Variants in NTRK3 observed in about 807,000 individuals in gnomAD.
NTRK3 encodes NT-3 growth factor receptor.
A neutral mutation model predicts 91.7 loss-of-function variants in NTRK3; 24 were observed. The ratio of observed to expected loss-of-function variants is 0.26; its 90% CI spans 0.19 to 0.37. The LOEUF (loss-of-function observed/expected upper bound fraction) is 0.37. Among genes scored for constraint, NTRK3 ranks in the 10% least tolerant of loss-of-function variants. NTRK3 has a pLI of 1.00. For missense variants in NTRK3, 880 were observed against 1,068.9 expected, an observed-to-expected ratio of 0.82 and a Z score of 2.46; for synonymous variants, 483 against 404.0, an observed-to-expected ratio of 1.20 and a Z score of -2.34.
At position 87,915,721 on chromosome 15, in the gene NTRK3, T is replaced by C. The variant is rs529709445; in HGVS notation, c.2133+13470A>G. 2.0e-5 allele frequency among the ~76,000 whole-genome samples: 3 copies of C among 152,362 alleles called. No homozygotes were observed. The South Asian group carries it at 6.2e-4, about 32-fold the overall frequency. On this transcript the variant is annotated intron_variant, in intron 17 of 18. Transcript: ENST00000394480. ...TTTAAAATTTCTGATATATAATTTC[T>C]ACCTTATTCTTTTACATAGAATAAT...
rs2051465598 is a variant in NTRK3 at position 88,234,132 on chromosome 15, G to A, written c.248+21774C>T. ...CTGTGCCAGGCCAGCCTGCCAGGCA[G>A]CCTGGACCTTCAGTCAGGAGACGAT... On this transcript the variant is annotated intron_variant, in intron 3 of 18. Transcript: ENST00000394480. The surrounding 1 kb of genome is among the most constrained non-coding windows in gnomAD (Gnocchi z 6.1). Among the ~76,000 whole-genome samples, 2 of 152,098 alleles carry A rather than the reference G, an allele frequency of 1.3e-5. No individual in the cohort carries two copies. The highest frequency in any genetic ancestry group is 2.9e-5 in the Non-Finnish European group (2 of 68,016).
At chr15:88,225,699 C>G (rs1406826574) in intron 3 of NTRK3, among the ~76,000 whole-genome samples, 1 of 152,172 alleles carries the variant, frequency 6.6e-6, no homozygotes, top group Non-Finnish European at 1.5e-5. Flanking sequence ...CCTCTTCTGA[C>G]AGTGCTGATG....
chr15:88,013,076 C>G (rs1373609822), intron 14 of NTRK3, among the ~76,000 whole-genome samples: 2 of 117,598 alleles, frequency 1.7e-5, no homozygotes, highest in Non-Finnish European at 3.5e-5. Flanking sequence ...GACCCACTAC[C>G]AGCAGCTGAA....
Position 87,942,293 on chromosome 15 carries a change from G to A in NTRK3, c.1586-1540C>T, listed in dbSNP as rs894995662. On this transcript the variant is annotated intron_variant, in intron 14 of 18. Transcript: ENST00000394480. ...CCTCCCAAGCCACAGGCTGCAATGC[G>A]GCTGCTACACACTGCAGGGCTATGC... is the stretch of plus-strand genomic sequence containing the variant. 4.6e-5 allele frequency among the ~76,000 whole-genome samples: 7 copies of A among 152,322 alleles called. No homozygotes were observed. In the East Asian group the frequency reaches 5.8e-4, roughly 13 times the overall value.
chr15:88,238,516 C>A (rs1215476835), intron 3 of NTRK3, among the ~76,000 whole-genome samples: 1 of 152,082 alleles, frequency 6.6e-6, no homozygotes. Context: ...CCTTCTTTTC[C>A]TCTCTCCCTC....
At chr15:87,921,892 A>C (rs1204462307) in intron 17 of NTRK3, among the ~76,000 whole-genome samples, 2 of 152,234 alleles carry the variant, frequency 1.3e-5, no homozygotes, top group South Asian at 2.1e-4. Flanking sequence ...AAAAAAAAAA[A>C]AAACTATTGT....
At chr15:88,056,410 C>T (rs1478330285) in intron 13 of NTRK3, among the ~76,000 whole-genome samples, 1 of 151,606 alleles carries the variant, frequency 6.6e-6, no homozygotes, top group Non-Finnish European at 1.5e-5. Flanking sequence ...GTTCATGGTC[C>T]AAATGTAGAA....
rs373979700 is a variant in NTRK3 at position 88,030,663 on chromosome 15, G to A, written c.1585+2194C>T. On this transcript the variant is annotated intron_variant, in intron 14 of 18. Coordinates refer to ENST00000394480, the Ensembl canonical transcript of NTRK3. ...TGCAGTGCCAAAACCAAGACTCAAG[G>A]CACTTTCCTGGTCATTTAGGGCCAT... Among the ~76,000 whole-genome samples the A allele has an allele frequency of 3.9e-4, 60 of 152,188 alleles. 1 individual carries two copies. Among genetic ancestry groups the A allele is most frequent in the African/African-American group, 1.4e-3 (57 of 41,516 alleles).
intron 14 of NTRK3, among the ~76,000 whole-genome samples, chr15:87,966,415 A>T (rs1237085738): frequency 2.6e-5 from 4 of 152,172 alleles, no homozygotes; most frequent in Non-Finnish European, 4.4e-5. Context: ...GTGGAGACAC[A>T]TGGTGCTAAG....
In NTRK3 at chr15:88,135,570, T is replaced by A. The variant is rs182725800; in HGVS notation, c.908-173A>T. ...AGAGGGGAAGAGATGTCTGTCTTTA[T>A]GCAAGCTTCCTAGATCCACCTTAGC... On this transcript the variant is annotated intron_variant, in intron 9 of 18. Transcript: ENST00000394480. Among the ~76,000 whole-genome samples the A allele has an allele frequency of 5.3e-5, 8 of 152,336 alleles. No homozygotes were observed. The East Asian group carries it at 1.5e-3, about 29-fold the overall frequency.
At position 88,136,763 on chromosome 15, in the gene NTRK3, C is replaced by T. The variant is rs148777354; in HGVS notation, c.623-154G>A. On this transcript the variant is annotated intron_variant, in intron 7 of 18. Transcript: ENST00000394480. ...TCTTGGAAGACCCGCAAATCCAAGA[C>T]GCTTTACATCACCTCCCCAGTAGAC... 5.6e-4 allele frequency among the ~76,000 whole-genome samples: 85 copies of T among 152,308 alleles called. No individual in the cohort carries two copies. In the East Asian group the frequency reaches 0.014, roughly 25 times the overall value.
At chr15:88,193,125 T>C (rs573705968) in intron 3 of NTRK3, among the ~76,000 whole-genome samples, 133 of 152,246 alleles carry the variant, frequency 8.7e-4, no homozygotes, top group African/African-American at 3.2e-3. Context: ...GGCGGTACTA[T>C]GTAGCCACCC....
chr15:87,913,575 GA>G (rs1288865892), intron 17 of NTRK3, among the ~76,000 whole-genome samples: 2 of 152,216 alleles, frequency 1.3e-5, no homozygotes, highest in East Asian at 3.9e-4. Context: ...CAGTCAATCA[GA>G]ACAGGCACTT....
chr15:88,146,386 A>G (rs1279977821), intron 6 of NTRK3, among the ~76,000 whole-genome samples: 1 of 152,206 alleles, frequency 6.6e-6, no homozygotes, highest in Non-Finnish European at 1.5e-5. Flanking sequence ...GAGTAAAGCA[A>G]TCAGCATTCA....
chr15:87,901,793 G>C (rs1294870453), intron 17 of NTRK3, among the ~76,000 whole-genome samples: 2 of 151,676 alleles, frequency 1.3e-5, no homozygotes, highest in Non-Finnish European at 2.9e-5. Flanking sequence ...AAGGGAGAGA[G>C]GAAGGGAAAA....
At chr15:88,141,260 G>C (rs1405524203) in intron 6 of NTRK3, among the ~76,000 whole-genome samples, 1 of 152,138 alleles carries the variant, frequency 6.6e-6, no homozygotes, top group Non-Finnish European at 1.5e-5. Context: ...AAAATGAGAC[G>C]AACATAATAG....
intron 16 of NTRK3, 55 bp downstream of exon 16, chr15:87,932,957 C>A (rs1169941928): frequency 6.2e-7 from 1 of 1,601,552 alleles, no homozygotes. Context: ...CAGGGAAAAC[C>A]CCAAGGGTTC....
At chr15:88,092,580 G>T (rs1381458777) in intron 13 of NTRK3, among the ~76,000 whole-genome samples, 4 of 152,076 alleles carry the variant, frequency 2.6e-5, no homozygotes, top group African/African-American at 9.7e-5. Flanking sequence ...ATTTCTTATG[G>T]CTGCTGTAAC....
intron 3 of NTRK3, among the ~76,000 whole-genome samples, chr15:88,245,305 C>T (rs1416397613): frequency 6.6e-6 from 1 of 152,178 alleles, no homozygotes; most frequent in Non-Finnish European, 1.5e-5. Context: ...CTACCATAAT[C>T]TCATTCAACC....
Sources: allele counts gnomAD v4.1 joint callset (sites outside exome capture counted in the v4.1 genomes callset), GRCh38; gene constraint gnomAD v4.1.1; non-coding constraint Gnocchi (gnomAD v3.1); transcripts MANE v1.5; gene names NCBI Gene and HGNC (gene_info 2026-07-23, HGNC 2026-07-21).